The following DNAH3 variants were observed in gnomAD, a reference collection of about 807,000 sequenced individuals.
DNAH3 encodes the protein axonemal beta dynein heavy chain 3.
A neutral mutation model predicts 432.5 loss-of-function variants in DNAH3; 332 were observed. That is an observed-to-expected ratio of 0.77 (90% CI 0.70 to 0.84). The LOEUF (loss-of-function observed/expected upper bound fraction) is 0.84, where lower values mean the gene tolerates loss of function less well. Ranked by LOEUF, DNAH3 falls within the 40% of genes least tolerant of loss-of-function variation. The probability of loss-of-function intolerance (pLI) is 0.00; values close to 1 mark genes in which losing one functional copy is unlikely to be tolerated. For missense variants in DNAH3, 4,861 were observed against 5,114.0 expected (o/e 0.95, Z 1.51); for synonymous variants, 1,956 against 1,900.2 (o/e 1.03, Z -0.76).
rs2086361363 is a variant in DNAH3, at chr16:20,988,787, G to A, written c.6602-722C>T. Among the ~76,000 whole-genome samples the A allele has an allele frequency of 2.6e-5, 4 of 152,166 alleles. No individual in the cohort carries two copies. The South Asian group carries it at 8.3e-4, about 32-fold the overall frequency. On this transcript the variant is annotated intron_variant, in intron 44 of 61. Transcript: ENST00000261383. ...CGGTGAGTGTTACAGCTCTTAAGGTGGCGCGTCTGGAGGTTGTTCCTTCTG... is the reference window on the plus strand; with the variant it reads ...CGGTGAGTGTTACAGCTCTTAAGGTAGCGCGTCTGGAGGTTGTTCCTTCTG...
chr16:21,156,765 G>A (rs2092900225), intron 1 of DNAH3, among the ~76,000 whole-genome samples: 1 of 152,076 alleles, frequency 6.6e-6, no homozygotes, highest in Admixed American at 6.6e-5. Flanking sequence ...GAGATGCTAG[G>A]ATCCCAGCCC....
chr16:21,055,968 C>T (rs370811657), intron 27 of DNAH3, among the ~76,000 whole-genome samples: 39 of 151,852 alleles, frequency 2.6e-4, no homozygotes, highest in Admixed American at 1.1e-3. Context: ...GAACTCCTGG[C>T]CTCAAGCAAT....
At chr16:21,146,059 C>G in exon 2 of DNAH3, 1 of 1,613,756 alleles carries the variant, frequency 6.2e-7, no homozygotes. Context: ...GGGAGTGGCT[C>G]ATGTGATGTA....
intron 16 of DNAH3, among the ~76,000 whole-genome samples, chr16:21,101,735 C>T (rs541976290): frequency 1.9e-4 from 29 of 152,312 alleles, no homozygotes; most frequent in Non-Finnish European, 3.8e-4. Flanking sequence ...GAGGCATTGA[C>T]ATCAGAGGGA....
Position 21,004,207 on chromosome 16 carries a change from A to C in DNAH3, c.6023-1000T>G, listed in dbSNP as rs1040030607. Among the ~76,000 whole-genome samples, 7 of 152,278 alleles carry C rather than the reference A, an allele frequency of 4.6e-5. No individual in the cohort carries two copies. In the Middle Eastern group the frequency reaches 0.017, roughly 370 times the overall value. On this transcript the variant is annotated intron_variant, in intron 41 of 61. Transcript: ENST00000261383. Reference sequence around the variant, plus strand: ...GTATTTTAACTTTCTATTGTGAGAAAAATTTAAAAAATGAAAGTAAGGAGA... The same window carrying C: ...GTATTTTAACTTTCTATTGTGAGAACAATTTAAAAAATGAAAGTAAGGAGA...
At chr16:21,099,459 A>G (rs1274476576) in intron 16 of DNAH3, among the ~76,000 whole-genome samples, 1 of 152,218 alleles carries the variant, frequency 6.6e-6, no homozygotes, top group Admixed American at 6.5e-5. Flanking sequence ...AGACCTTTCC[A>G]AAGATTTATC....
chr16:21,088,404 C>T (rs1209809403), intron 18 of DNAH3, among the ~76,000 whole-genome samples: 1 of 152,138 alleles, frequency 6.6e-6, no homozygotes, highest in Non-Finnish European at 1.5e-5. Context: ...GAAGCACAAA[C>T]AGAGTGACTT....
intron 16 of DNAH3, among the ~76,000 whole-genome samples, chr16:21,102,877 C>CTT (rs550772745): frequency 0.014 from 1,916 of 135,256 alleles, 45 homozygotes; most frequent in African/African-American, 0.048. Context: ...GACTATTATT[C>CTT]TTTTTTTTTT....
At position 21,049,995 on chromosome 16, in the gene DNAH3, A is replaced by G. The variant is rs764016913; in HGVS notation, c.4262T>C (p.Leu1421Pro). The G allele has an allele frequency of 2.5e-6, 4 of 1,614,006 alleles. No individual in the cohort carries two copies. The East Asian group carries it at 6.7e-5, about 27-fold the overall frequency. ...ACCCTCTGGAGCACCCCCAAGGTTC[A>G]GCTTCAAAGCTCCCATCAGTGTCCT... The change falls in exon 30 of 62, where the codon CTG becomes CCG. Residue 1421 changes from leucine to proline, a missense_variant. Coordinates refer to ENST00000261383, the Ensembl canonical transcript of DNAH3.
chr16:20,992,195 A>G (rs1407486433), intron 44 of DNAH3, among the ~76,000 whole-genome samples: 1 of 151,888 alleles, frequency 6.6e-6, no homozygotes, highest in African/African-American at 2.4e-5. Context: ...TGAAATCACT[A>G]CCATTGTTGA....
At chr16:21,057,907 A>T (rs986714570) in intron 27 of DNAH3, among the ~76,000 whole-genome samples, 179 bp downstream of exon 27, 6 of 152,202 alleles carry the variant, frequency 3.9e-5, no homozygotes, top group African/African-American at 1.4e-4. Context: ...ATAGAATTGC[A>T]GGACAGCTCG....
chr16:20,948,092 T>A (rs1596901830), intron 57 of DNAH3, among the ~76,000 whole-genome samples: 1 of 152,182 alleles, frequency 6.6e-6, no homozygotes, highest in South Asian at 2.1e-4. Flanking sequence ...CTCTTTTCTA[T>A]CCCTCAGATT....
At chr16:21,049,055 G>A (rs889976979) in intron 31 of DNAH3, among the ~76,000 whole-genome samples, 4 of 151,394 alleles carry the variant, frequency 2.6e-5, no homozygotes, top group Admixed American at 6.6e-5. Context: ...ATGCAGTGGC[G>A]GCATCAAAGC....
At chr16:21,121,090 A>G (rs969579990) in intron 10 of DNAH3, 2 of 637,508 alleles carry the variant, frequency 3.1e-6, no homozygotes, top group Non-Finnish European at 5.8e-6. Context: ...CATGTGAAGC[A>G]TACATAATGC....
chr16:20,979,184 G>T, intron 50 of DNAH3, 146 bp downstream of exon 50: 1 of 670,484 alleles, frequency 1.5e-6, no homozygotes, highest in East Asian at 2.7e-5. Context: ...AGGGATTACA[G>T]TGATGTAGGT....
intron 39 of DNAH3, among the ~76,000 whole-genome samples, chr16:21,022,565 A>G (rs2088297696): frequency 6.6e-6 from 1 of 152,074 alleles, no homozygotes; most frequent in African/African-American, 2.4e-5. Context: ...ATTTTCAGTA[A>G]TTTACCACAC....
intron 17 of DNAH3, 39 bp downstream of exon 17, chr16:21,098,577 C>CA (rs1567787449): frequency 1.9e-6 from 3 of 1,584,326 alleles, no homozygotes; most frequent in Non-Finnish European, 2.6e-6. Context: ...ACCAATAGAC[C>CA]AGTACAGTGT....
chr16:20,963,557 G>A (rs1596973243), exon 53 of DNAH3: 1 of 1,614,054 alleles, frequency 6.2e-7, no homozygotes, highest in Non-Finnish European at 8.5e-7. Context: ...CATTCACCCA[G>A]GTTCTGTTCC....
chr16:21,123,959 A>G lies in DNAH3; in HGVS notation c.1404+1216T>C, dbSNP rs2092396206. ...AGGCACACACCACCACACCCGGCTA[A>G]TTTTTGTATTTTTAGTAGAGATAGG... is the stretch of plus-strand genomic sequence containing the variant. On this transcript the variant is annotated intron_variant, in intron 9 of 61. Transcript: ENST00000261383. Among the ~76,000 whole-genome samples the G allele has an allele frequency of 2.0e-5, 3 of 149,356 alleles. No individual in the cohort carries two copies. The East Asian group carries it at 6.0e-4, about 30-fold the overall frequency.
Sources: gnomAD v4.1 joint callset for allele counts (sites outside exome capture counted in the v4.1 genomes callset) on GRCh38, gnomAD v4.1.1 for gene constraint, MANE v1.5 for transcripts, NCBI Gene and HGNC (gene_info 2026-07-23, HGNC 2026-07-21) for gene names.